The following HS3ST4 variants were observed in gnomAD, a reference collection of about 807,000 sequenced individuals.
HS3ST4 encodes heparan sulfate-glucosamine 3-sulfotransferase 4, also known as heparan sulfate glucosamine 3-O-sulfotransferase 4.
A neutral mutation model predicts 29.2 loss-of-function variants in HS3ST4; 17 were observed. The observed-to-expected ratio is 0.58, with a 90% confidence interval of 0.40 to 0.87. The LOEUF is 0.87. HS3ST4 is among the 40% of genes least tolerant of loss of function. The pLI, the probability that HS3ST4 is intolerant of heterozygous loss-of-function variation, is 0.00. For synonymous variants in HS3ST4, 314 were observed against 285.7 expected, an observed-to-expected ratio of 1.10 and a Z score of -1.00; for missense variants, 627 against 634.5, an observed-to-expected ratio of 0.99 and a Z score of 0.13.
chr16:26,120,698 A>G (rs1281389616), intron 1 of HS3ST4, among the ~76,000 whole-genome samples: 1 of 152,220 alleles, frequency 6.6e-6, no homozygotes, highest in East Asian at 1.9e-4. Context: ...GCAGCCAGGC[A>G]TGATTGACCC....
At chr16:26,071,648 A>T (rs1045377686) in intron 1 of HS3ST4, among the ~76,000 whole-genome samples, 1 of 152,184 alleles carries the variant, frequency 6.6e-6, no homozygotes, top group Non-Finnish European at 1.5e-5. Flanking sequence ...TTTAAAATAC[A>T]TGCATTAGTC....
chr16:26,110,915 C>G (rs560889155), intron 1 of HS3ST4, among the ~76,000 whole-genome samples: 325 of 152,174 alleles, frequency 2.1e-3, no homozygotes, highest in Non-Finnish European at 3.6e-3. Context: ...TTCACTATTT[C>G]TTTTTAGAAC....
chr16:25,707,444 A>G (rs1966383045), intron 1 of HS3ST4, among the ~76,000 whole-genome samples: 1 of 152,184 alleles, frequency 6.6e-6, no homozygotes, highest in African/African-American at 2.4e-5. Context: ...CATAATATCT[A>G]TAGGGTTTTG....
At chr16:25,698,268 C>A (rs1319349441) in intron 1 of HS3ST4, among the ~76,000 whole-genome samples, 1 of 152,070 alleles carries the variant, frequency 6.6e-6, no homozygotes, top group Admixed American at 6.5e-5. Flanking sequence ...TTAGGGAAAA[C>A]CTCTCTTTGG....
At chr16:25,851,346 C>T (rs1029464979) in intron 1 of HS3ST4, among the ~76,000 whole-genome samples, 1 of 152,158 alleles carries the variant, frequency 6.6e-6, no homozygotes. Flanking sequence ...TCCAGTCGTT[C>T]CCATCTCTAT....
Position 25,692,854 on chromosome 16 carries a change from C to T in HS3ST4, c.437C>T (p.Pro146Leu). The change falls in exon 1 of 2, where the codon CCC (proline) becomes CTC (leucine). Residue 146 changes from proline to leucine, a missense_variant. Around this residue, in one of 2 missense-constraint regions of HS3ST4, gnomAD observed 402 missense variants for 340.8 expected, o/e 1.18. Coordinates refer to ENST00000331351, the MANE Select transcript of HS3ST4 (RefSeq NM_006040.3). ...QDAWLRTPLA[P>L]SEMITAQSAL... ...GCCTGGCTCCGGACCCCGCTGGCCC[C>T]CAGCGAGATGATCACGGCTCAGAGC... 6.8e-7 allele frequency: 1 copy of T among 1,476,628 alleles called. No individual in the cohort carries two copies. Among genetic ancestry groups the T allele is most frequent in the South Asian group, 1.3e-5 (1 of 74,918 alleles). 91.5% of individuals were successfully genotyped at this position (1,476,628 alleles called of 1,614,324 possible). A position where few individuals can be genotyped will look rare whatever the true frequency, so the allele number is the denominator to read the frequency against.
At chr16:25,754,262 G>A (rs78742284) in intron 1 of HS3ST4, among the ~76,000 whole-genome samples, 3,847 of 152,040 alleles carry the variant, frequency 0.025, 160 homozygotes, top group East Asian at 0.17. Flanking sequence ...TCTATTTAAG[G>A]CCCTGGTAAG....
chr16:26,028,356 T>G lies in HS3ST4; in HGVS notation c.735-107256T>G, dbSNP rs1254215882. Among the ~76,000 whole-genome samples, 11 of 151,210 alleles carry G rather than the reference T, an allele frequency of 7.3e-5. 1 individual carries two copies. The East Asian group carries it at 2.1e-3, about 29-fold the overall frequency. Reference sequence around the variant, plus strand: ...TATTTTTAATCCACTTTAAAAATTGTGAAAATTAAAGATGATCATAAAGAT... The same window carrying G: ...TATTTTTAATCCACTTTAAAAATTGGGAAAATTAAAGATGATCATAAAGAT... On this transcript the variant is annotated intron_variant, in intron 1 of 1. Transcript: ENST00000331351.
intron 1 of HS3ST4, among the ~76,000 whole-genome samples, chr16:26,084,495 C>T (rs1057422554): frequency 1.3e-5 from 2 of 152,126 alleles, no homozygotes; most frequent in African/African-American, 4.8e-5. Flanking sequence ...TTTTCTTTTC[C>T]TGTAAGATTG....
At chr16:25,742,930 T>G (rs562753675) in intron 1 of HS3ST4, among the ~76,000 whole-genome samples, 8 of 152,334 alleles carry the variant, frequency 5.3e-5, no homozygotes, top group African/African-American at 1.7e-4. Context: ...TCCAATTGTG[T>G]TACCTTCCCA....
At chr16:25,993,427 T>C (rs183287140) in intron 1 of HS3ST4, among the ~76,000 whole-genome samples, 95 of 152,206 alleles carry the variant, frequency 6.2e-4, no homozygotes, top group African/African-American at 2.2e-3. Flanking sequence ...GAGAAAGCAC[T>C]GGACTTTGGA....
chr16:25,908,151 A>G (rs1418859567), intron 1 of HS3ST4, among the ~76,000 whole-genome samples: 1 of 152,160 alleles, frequency 6.6e-6, no homozygotes, highest in Non-Finnish European at 1.5e-5. Flanking sequence ...AGCTTGGAAA[A>G]CAGCGCAGGC....
At chr16:25,800,346 G>C (rs1966921092) in intron 1 of HS3ST4, among the ~76,000 whole-genome samples, 1 of 151,838 alleles carries the variant, frequency 6.6e-6, no homozygotes, top group Admixed American at 6.6e-5. Flanking sequence ...CTGTTAGCTG[G>C]TAACACTTTT....
chr16:25,804,161 C>G (rs1293867620), intron 1 of HS3ST4, among the ~76,000 whole-genome samples: 3 of 152,120 alleles, frequency 2.0e-5, no homozygotes, highest in Non-Finnish European at 2.9e-5. Flanking sequence ...TGTGATAGTG[C>G]TAGGTGTAGT....
chr16:25,829,653 C>G (rs1294167250), intron 1 of HS3ST4, among the ~76,000 whole-genome samples: 2 of 152,098 alleles, frequency 1.3e-5, no homozygotes, highest in Non-Finnish European at 2.9e-5. Flanking sequence ...CTCCCACTTA[C>G]ACGTGAGAAC....
rs1371928058 is a variant in HS3ST4 at position 25,828,242 on chromosome 16, C to CTGTCTGTCTG, written c.734+135092_734+135093insGTCTGTCTGT. On this transcript the variant is annotated intron_variant, in intron 1 of 1. Coordinates refer to ENST00000331351, the MANE Select transcript of HS3ST4 (RefSeq NM_006040.3). ...CTTTCCTTTCTTTCTTTCTTTCTTT[C>CTGTCTGTCTG]TCTTTCTTTCTTTCTTTCTTTCTTT... Among the ~76,000 whole-genome samples, 61 of 75,034 alleles carry CTGTCTGTCTG rather than the reference C, an allele frequency of 8.1e-4. 2 individuals carry two copies. The highest frequency in any genetic ancestry group is 3.4e-3 in the African/African-American group (59 of 17,288). The allele number at this position is 75,034 out of a possible 152,430, so 49.2% of individuals were successfully genotyped here.
intron 1 of HS3ST4, among the ~76,000 whole-genome samples, chr16:26,020,389 C>T (rs1969401392): frequency 6.6e-6 from 1 of 152,134 alleles, no homozygotes; most frequent in Non-Finnish European, 1.5e-5. Context: ...CATTGTGTCT[C>T]CCCTCCCTAA....
chr16:25,849,939 A>G (rs908048114), intron 1 of HS3ST4, among the ~76,000 whole-genome samples: 2 of 150,718 alleles, frequency 1.3e-5, no homozygotes, highest in East Asian at 3.9e-4. Context: ...TCTCTTTTCA[A>G]TCTTTTTGGA....
intron 1 of HS3ST4, among the ~76,000 whole-genome samples, chr16:25,768,228 A>G (rs1009350913): frequency 1.3e-5 from 2 of 152,196 alleles, no homozygotes; most frequent in African/African-American, 2.4e-5. Flanking sequence ...GTCTAAATCA[A>G]TATGTACGTA....
Sources: gnomAD v4.1 joint callset for allele counts (sites outside exome capture counted in the v4.1 genomes callset) on GRCh38, gnomAD v4.1.1 for gene constraint, gnomAD v4.1.1 regional missense constraint, MANE v1.5 for transcripts, NCBI Gene and HGNC (gene_info 2026-07-23, HGNC 2026-07-21) for gene names.